Variants in BCR observed in about 807,000 individuals in gnomAD.
BCR encodes the protein breakpoint cluster region protein.
BCR carries 58 observed loss-of-function variants against 138.6 expected under a neutral mutation model. The observed-to-expected ratio is 0.42, with a 90% CI of 0.34 to 0.52. BCR has a LOEUF of 0.52. BCR is among the 20% of genes least tolerant of loss of function. The probability of loss-of-function intolerance (pLI) is 0.06; values close to 1 mark genes in which losing one functional copy is unlikely to be tolerated. For missense variants in BCR, 1,599 were observed against 1,727.2 expected, an observed-to-expected ratio of 0.93 and a Z score of 1.32; for synonymous variants, 786 against 730.1, an observed-to-expected ratio of 1.08 and a Z score of -1.23.
At chr22:23,202,190 TTCTC>T (rs1025000281) in intron 1 of BCR, among the ~76,000 whole-genome samples, 4 of 152,166 alleles carry the variant, frequency 2.6e-5, no homozygotes, top group African/African-American at 9.7e-5. Context: ...TTCAGTGAAC[TTCTC>T]TCTCTTTTTT....
At chr22:23,214,205 T>A (rs561491019) in intron 1 of BCR, among the ~76,000 whole-genome samples, 1 of 148,838 alleles carries the variant, frequency 6.7e-6, no homozygotes, top group Non-Finnish European at 1.5e-5. Context: ...ATGTTTGGTT[T>A]GTTTTTTTTT....
intron 1 of BCR, among the ~76,000 whole-genome samples, chr22:23,226,683 T>G (rs375420619): frequency 1.3e-5 from 2 of 152,242 alleles, no homozygotes; most frequent in East Asian, 1.9e-4. Context: ...ATTTGGCTGC[T>G]TTCATGCTAT....
chr22:23,283,739 G>A (rs1169822411), intron 8 of BCR: 5 of 503,626 alleles, frequency 9.9e-6, no homozygotes, highest in Non-Finnish European at 1.7e-5. Flanking sequence ...ACACACAGGA[G>A]GGATTGGGAA....
intron 2 of BCR, among the ~76,000 whole-genome samples, chr22:23,255,777 G>A (rs1176485720): frequency 2.0e-5 from 3 of 152,116 alleles, no homozygotes; most frequent in Admixed American, 6.5e-5. Context: ...CTGGTCCCCC[G>A]ACCCCTGCTC....
chr22:23,198,428 A>C (rs768543676), intron 1 of BCR: 1 of 424,138 alleles, frequency 2.4e-6, no homozygotes, highest in African/African-American at 2.2e-5. Flanking sequence ...GGTGACCCCC[A>C]AAGAGAGGTG....
chr22:23,273,714 G>T lies in BCR; in HGVS notation c.2055G>T (p.Leu685=). The T allele has an allele frequency of 6.2e-7, 1 of 1,614,142 alleles. No individual in the cohort carries two copies. Among genetic ancestry groups the T allele is most frequent in the South Asian group, 1.1e-5 (1 of 91,086 alleles). The change falls in exon 8 of 23, where the codon CTG becomes CTT. Residue 685 remains leucine (L), a synonymous_variant. Transcript: ENST00000305877. Reference sequence around the variant, plus strand: ...CCCTCCGCATCTCACAGAACTTCCTGTCCAGCATCAATGAGGAGATCACAC... The same window carrying T: ...CCCTCCGCATCTCACAGAACTTCCTTTCCAGCATCAATGAGGAGATCACAC... The part of the protein sequence containing the change: ...QDALRISQNF[L]SSINEEITPR...
chr22:23,247,524 C>A (rs939147793), intron 1 of BCR, among the ~76,000 whole-genome samples: 1 of 152,202 alleles, frequency 6.6e-6, no homozygotes, highest in South Asian at 2.1e-4. Context: ...GACCTCTGAT[C>A]CCCTGAGGGC....
At chr22:23,189,541 C>T (rs2072388692) in intron 1 of BCR, among the ~76,000 whole-genome samples, 1 of 152,040 alleles carries the variant, frequency 6.6e-6, no homozygotes, top group Non-Finnish European at 1.5e-5. Context: ...TCTTATTTTG[C>T]CCAGGCTGGA....
At chr22:23,295,787 A>G (rs564331541) in intron 16 of BCR, among the ~76,000 whole-genome samples, 1 of 152,224 alleles carries the variant, frequency 6.6e-6, no homozygotes, top group African/African-American at 2.4e-5. Flanking sequence ...CCCTGGGAGC[A>G]CGCCACCAGG....
At chr22:23,195,332 A>G (rs1290551271) in intron 1 of BCR, among the ~76,000 whole-genome samples, 1 of 151,230 alleles carries the variant, frequency 6.6e-6, no homozygotes, top group African/African-American at 2.4e-5. Flanking sequence ...AGGCGGGAAA[A>G]TCGCTTGAAC....
At chr22:23,256,923 TAGGG>T (rs2073301328) in intron 2 of BCR, among the ~76,000 whole-genome samples, 1 of 152,142 alleles carries the variant, frequency 6.6e-6, no homozygotes, top group African/African-American at 2.4e-5. Flanking sequence ...CCCACCTAGG[TAGGG>T]TCATGGTAGG....
At chr22:23,197,890 G>A (rs2072501783) in intron 1 of BCR, among the ~76,000 whole-genome samples, 1 of 152,046 alleles carries the variant, frequency 6.6e-6, no homozygotes, top group South Asian at 2.1e-4. Context: ...TGACAGAAAG[G>A]GAGGCTGTAT....
At chr22:23,199,381 G>A (rs768587898) in intron 1 of BCR, 1 of 505,610 alleles carries the variant, frequency 2.0e-6, no homozygotes, top group Non-Finnish European at 3.9e-6. Flanking sequence ...TATTTATCCT[G>A]CTAAGGCCAC....
At chr22:23,188,889 CG>C (rs1052119539) in intron 1 of BCR, among the ~76,000 whole-genome samples, 1 of 151,872 alleles carries the variant, frequency 6.6e-6, no homozygotes, top group African/African-American at 2.4e-5. Flanking sequence ...TTTTTCAAGA[CG>C]GGGTCTCACT....
At chr22:23,183,514 C>T (rs570402656) in intron 1 of BCR, among the ~76,000 whole-genome samples, 6 of 152,310 alleles carry the variant, frequency 3.9e-5, no homozygotes, top group East Asian at 1.9e-4. Context: ...TCCGACCTGC[C>T]GTCTGGCCGG....
chr22:23,238,434 A>G (rs1236253701), intron 1 of BCR, among the ~76,000 whole-genome samples: 1 of 152,032 alleles, frequency 6.6e-6, no homozygotes, highest in Non-Finnish European at 1.5e-5. Flanking sequence ...CTGGTGGAGA[A>G]TACAAAACGT....
In BCR at chr22:23,312,057, G is replaced by T; in HGVS notation, c.3322+221G>T. 4.5e-6 allele frequency: 4 copies of T among 895,700 alleles called. No homozygotes were observed. In the South Asian group the frequency reaches 7.6e-5, roughly 17 times the overall value. 55.5% of individuals were successfully genotyped at this position (895,700 alleles called of 1,614,324 possible). On this transcript the variant is annotated intron_variant, in intron 19 of 22. Transcript: ENST00000305877. ...CTAGCCATGCATGCCACTTGCTGGG[G>T]TAGGCCAGGGGTTTCTGCAGGGCCT...
chr22:23,191,264 A>G (rs2072410378), intron 1 of BCR, among the ~76,000 whole-genome samples: 1 of 152,114 alleles, frequency 6.6e-6, no homozygotes, highest in Admixed American at 6.6e-5. Flanking sequence ...AACTTTTTCC[A>G]TCTCTTTTCT....
intron 5 of BCR, 76 bp from the exon 6 acceptor site, chr22:23,271,456 T>C: frequency 6.8e-7 from 1 of 1,465,020 alleles, no homozygotes; most frequent in South Asian, 1.1e-5. Context: ...GCTGAAATTG[T>C]TGCCAAAGGG....
Sources: allele counts gnomAD v4.1 joint callset (sites outside exome capture counted in the v4.1 genomes callset), GRCh38; gene constraint gnomAD v4.1.1; transcripts MANE v1.5; gene names NCBI Gene and HGNC (gene_info 2026-07-23, HGNC 2026-07-21).